Variants in TRIM7 observed in about 807,000 individuals in gnomAD.
TRIM7 encodes tripartite motif containing 7.
TRIM7 carries 32 observed loss-of-function variants against 37.9 expected under a neutral mutation model. The observed-to-expected ratio is 0.84, with a 90% CI of 0.64 to 1.13. The LOEUF (loss-of-function observed/expected upper bound fraction) is 1.13, where lower values mean the gene tolerates loss of function less well. TRIM7 is among the 50% of genes most tolerant of loss of function. TRIM7 has a pLI of 0.00. For missense variants in TRIM7, 732 were observed against 714.0 expected (o/e 1.03, Z -0.29); for synonymous variants, 351 against 321.3 (o/e 1.09, Z -0.99).
chr5:181,195,370 G>A lies in TRIM7; in HGVS notation c.1332C>T (p.Ala444=). ...ALQLNGGQYW[A]VTSPERSPLS... ...GGGGCGACCGCTCGGGGCTGGTCAC[G>A]GCCCAGTACTGGCCGCCGTTGAGCT... The change falls in exon 7 of 7, where the codon GCC becomes GCT. Residue 444 remains alanine (A), a synonymous_variant. Coordinates refer to ENST00000274773, the MANE Select transcript of TRIM7 (RefSeq NM_203293.3). The A allele has an allele frequency of 7.6e-6, 12 of 1,579,258 alleles. No individual in the cohort carries two copies. The highest frequency in any genetic ancestry group is 8.6e-6 in the Non-Finnish European group (10 of 1,162,922).
chr5:181,195,368 A>G lies in TRIM7; in HGVS notation c.1334T>C (p.Val445Ala). 1 of 1,578,386 alleles carries G rather than the reference A, an allele frequency of 6.3e-7. No individual in the cohort carries two copies. Among genetic ancestry groups the G allele is most frequent in the Non-Finnish European group, 8.6e-7 (1 of 1,162,444 alleles). The change falls in exon 7 of 7, where the codon GTG (valine) becomes GCG (alanine). Residue 445 changes from valine (V) to alanine (A), a missense_variant. Coordinates refer to ENST00000274773, the MANE Select transcript of TRIM7 (RefSeq NM_203293.3). ...GAGGGGCGACCGCTCGGGGCTGGTC[A>G]CGGCCCAGTACTGGCCGCCGTTGAG... is the stretch of plus-strand genomic sequence containing the variant. ...LQLNGGQYWAVTSPERSPLSC... is the reference protein window; with the variant it reads ...LQLNGGQYWAATSPERSPLSC...
intron 2 of TRIM7, 66 bp from the exon 3 acceptor site, chr5:181,200,147 G>A (rs1940685172): frequency 2.0e-5 from 32 of 1,613,450 alleles, no homozygotes; most frequent in Non-Finnish European, 2.6e-5. Flanking sequence ...CCAGTGGCCT[G>A]AGTCATCCCA....
At position 181,204,605 on chromosome 5, in the gene TRIM7, G is replaced by A. The variant is rs1473982629; in HGVS notation, c.506C>T (p.Ala169Val). 4.8e-6 allele frequency: 7 copies of A among 1,449,958 alleles called. No individual in the cohort carries two copies. The highest frequency in any genetic ancestry group is 2.8e-5 in the East Asian group (1 of 35,650). The allele number at this position is 1,449,958 out of a possible 1,614,324, so 89.8% of individuals were successfully genotyped here. Residue 169 changes from alanine (A) to valine (V), a missense_variant, in exon 1 of 7, where the codon GCG becomes GTG. Ala to Val is a moderately conservative substitution (Grantham distance 64). Coordinates refer to ENST00000274773, the MANE Select transcript of TRIM7 (RefSeq NM_203293.3). ...REHAVLPLDE[A>V]VQEAKELLES... ...TGCGCTCACCTTGGCCTCCTGCACC[G>A]CCTCGTCCAGCGGCAGCACGGCGTG...
At chr5:181,199,042 T>A (rs1270891174) in intron 4 of TRIM7, 53 bp downstream of exon 4, 1 of 1,610,132 alleles carries the variant, frequency 6.2e-7, no homozygotes, top group African/African-American at 1.3e-5. Flanking sequence ...CAAGGCTCAG[T>A]GAAAAGGGAA....
chr5:181,195,245 AAGGTGTAG>A lies in TRIM7; in HGVS notation c.1449_1456del (p.Tyr484ProfsTer93). ...CACGCGCTCCTGGAAGTTGACGCGGAAGGTGTAGAGGTGGCGCATGTCCTCCACAGCGT... is the reference window on the plus strand; with the variant it reads ...CACGCGCTCCTGGAAGTTGACGCGGAAGGTGGCGCATGTCCTCCACAGCGT... On this transcript the variant is annotated frameshift_variant, in exon 7 of 7. Coordinates refer to ENST00000274773, the MANE Select transcript of TRIM7 (RefSeq NM_203293.3). LOFTEE classifies it high-confidence loss of function. The A allele has an allele frequency of 6.2e-7, 1 of 1,612,884 alleles. No individual in the cohort carries two copies. Among genetic ancestry groups the A allele is most frequent in the Non-Finnish European group, 8.5e-7 (1 of 1,179,516 alleles).
chr5:181,193,930 G>C lies in TRIM7; in HGVS notation c.*1236C>G, dbSNP rs1216044893. On this transcript the variant is annotated 3_prime_UTR_variant, in exon 7 of 7. Transcript: ENST00000274773. ...GAAAATGGGCCAAGCCAACTCCAAA[G>C]ACAGCTCATAGTTTCATTTTCATCT... The C allele has an allele frequency of 7.0e-6, 1 of 142,676 alleles. No homozygotes were observed. The highest frequency in any genetic ancestry group is 1.5e-5 in the Non-Finnish European group (1 of 67,874). The allele number at this position is 142,676 out of a possible 1,614,324, so 8.8% of individuals were successfully genotyped here.
Position 181,198,207 on chromosome 5 carries a change from C to T in TRIM7, c.1000G>A (p.Gly334Arg). 1.2e-6 allele frequency: 2 copies of T among 1,614,144 alleles called. No individual in the cohort carries two copies. The highest frequency in any genetic ancestry group is 1.7e-6 in the Non-Finnish European group (2 of 1,180,018). Residue 334 changes from glycine to arginine, a missense_variant, in exon 6 of 7, where the codon GGA becomes AGA. Transcript: ENST00000274773. Reference sequence around the variant, plus strand: ...CCTTTCTCCTCTTTCTCCAGCTCTCCCCGAAGGTCCTCTGAGGAGGAGAAA... The same window carrying T: ...CCTTTCTCCTCTTTCTCCAGCTCTCTCCGAAGGTCCTCTGAGGAGGAGAAA... ...MLKKFKEDLRGELEKEEKVEL... is the reference protein window; with the variant it reads ...MLKKFKEDLRRELEKEEKVEL...
Position 181,204,987 on chromosome 5 carries a change from C to T in TRIM7, c.124G>A (p.Val42Ile), listed in dbSNP as rs966790095. The T allele has an allele frequency of 6.7e-6, 10 of 1,485,958 alleles. No individual in the cohort carries two copies. Among genetic ancestry groups the T allele is most frequent in the Middle Eastern group, 1.8e-4 (1 of 5,664 alleles). 92.0% of individuals were successfully genotyped at this position (1,485,958 alleles called of 1,614,324 possible). A position where few individuals can be genotyped will look rare whatever the true frequency, so the allele number is the denominator to read the frequency against. ...CLELFREPVS[V>I]ECGHSFCRAC... ...CGGCAGAAGCTGTGGCCGCACTCGA[C>T]GGACACCGGCTCACGAAAGAGCTCT... The change falls in exon 1 of 7, where the codon GTC becomes ATC. Residue 42 changes from valine (V) to isoleucine (I), a missense_variant. Coordinates refer to ENST00000274773, the MANE Select transcript of TRIM7 (RefSeq NM_203293.3).
At position 181,204,580 on chromosome 5, in the gene TRIM7, T is replaced by A; in HGVS notation, c.522+9A>T. On this transcript the variant is annotated intron_variant, in intron 1 of 6. Coordinates refer to ENST00000274773, the MANE Select transcript of TRIM7 (RefSeq NM_203293.3). ...GGGGACCCACGGGGTGGGTGGGGGC[T>A]GCGCTCACCTTGGCCTCCTGCACCG... 7.2e-7 allele frequency: 1 copy of A among 1,391,326 alleles called. No individual in the cohort carries two copies. The highest frequency in any genetic ancestry group is 1.5e-5 in the African/African-American group (1 of 65,992). The allele number at this position is 1,391,326 out of a possible 1,614,324, so 86.2% of individuals were successfully genotyped here. A position where few individuals can be genotyped will look rare whatever the true frequency, so the allele number is the denominator to read the frequency against.
In TRIM7 at chr5:181,204,607, C is replaced by G; in HGVS notation, c.504G>C (p.Glu168Asp). Residue 168 changes from glutamate to aspartate, a missense_variant, in exon 1 of 7, where the codon GAG (glutamate) becomes GAC (aspartate). Glu to Asp is a conservative substitution (Grantham distance 45). Coordinates refer to ENST00000274773, the MANE Select transcript of TRIM7 (RefSeq NM_203293.3). ...CGCTCACCTTGGCCTCCTGCACCGCCTCGTCCAGCGGCAGCACGGCGTGCT... is the reference window on the plus strand; with the variant it reads ...CGCTCACCTTGGCCTCCTGCACCGCGTCGTCCAGCGGCAGCACGGCGTGCT... ...HREHAVLPLD[E>D]AVQEAKELLE... 6.9e-7 allele frequency: 1 copy of G among 1,453,726 alleles called. No individual in the cohort carries two copies. Among genetic ancestry groups the G allele is most frequent in the Non-Finnish European group, 9.0e-7 (1 of 1,114,630 alleles). The allele number at this position is 1,453,726 out of a possible 1,614,324, so 90.1% of individuals were successfully genotyped here. A position where few individuals can be genotyped will look rare whatever the true frequency, so the allele number is the denominator to read the frequency against.
At position 181,204,884 on chromosome 5, in the gene TRIM7, A is replaced by T; in HGVS notation, c.227T>A (p.Leu76Gln). 1 of 1,368,830 alleles carries T rather than the reference A, an allele frequency of 7.3e-7. No homozygotes were observed. Among genetic ancestry groups the T allele is most frequent in the South Asian group, 1.7e-5 (1 of 57,858 alleles). The allele number at this position is 1,368,830 out of a possible 1,614,324, so 84.8% of individuals were successfully genotyped here. Reference sequence around the variant, plus strand: ...GGGCTCGCGGCACTGCGGACAGGGCAGTGGGAAGGGGGGCGCGCGGGTGGC... The same window carrying T: ...GGGCTCGCGGCACTGCGGACAGGGCTGTGGGAAGGGGGGCGCGCGGGTGGC... Reference protein sequence around the residue: ...GAATRAPPFPLPCPQCREPAR... With the variant: ...GAATRAPPFPQPCPQCREPAR... Residue 76 changes from leucine (L) to glutamine (Q), a missense_variant, in exon 1 of 7, where the codon CTG becomes CAG. Transcript: ENST00000274773.
chr5:181,204,433 G>A (rs74666241), intron 1 of TRIM7, 156 bp downstream of exon 1: 43,672 of 1,148,000 alleles, frequency 0.038, 2,029 homozygotes, highest in East Asian at 0.28. Flanking sequence ...CGCTCAGCCC[G>A]GGAACCAGCG....
chr5:181,195,104 C>G lies in TRIM7; in HGVS notation c.*62G>C. On this transcript the variant is annotated 3_prime_UTR_variant, in exon 7 of 7. Transcript: ENST00000274773. ...CAGACCCAAGACGGACCAGGCATCT[C>G]TGGGGAGGCGACATCCCCTCCCACC... is the stretch of plus-strand genomic sequence containing the variant. 6.5e-7 allele frequency: 1 copy of G among 1,539,616 alleles called. No individual in the cohort carries two copies. The highest frequency in any genetic ancestry group is 8.8e-7 in the Non-Finnish European group (1 of 1,139,124).
chr5:181,199,942 A>G lies in TRIM7; in HGVS notation c.758T>C (p.Leu253Pro). ...GGTGATCTCAACCCCGAGCTGGGCC[A>G]GGTTCTCATTCTGCTTCTGTGCCAC... ...REVAQKQNEN[L>P]AQLGVEITQL... Residue 253 changes from leucine (L) to proline (P), a missense_variant, in exon 3 of 7, where the codon CTG becomes CCG. Transcript: ENST00000274773. 4.3e-6 allele frequency: 7 copies of G among 1,614,258 alleles called. No homozygotes were observed. Among genetic ancestry groups the G allele is most frequent in the Non-Finnish European group, 5.1e-6 (6 of 1,180,042 alleles).
intron 6 of TRIM7, chr5:181,197,782 G>GC (rs1757222290): frequency 4.6e-6 from 1 of 218,266 alleles, no homozygotes; most frequent in Admixed American, 5.4e-5. Context: ...CCAGAGCTTT[G>GC]CAAGAGTAAA....
rs757113095 is a variant in TRIM7 at position 181,199,992 on chromosome 5, G to A, written c.708C>T (p.Gly236=). ...FLVEQEGRLL[G]RLEELSREVA... is the part of the protein sequence containing the mutation. ...CCTCCCGGGACAGTTCCTCCAGGCGGCCTAGCAGCCGACCCTCCTGCTCCA... is the reference window on the plus strand; with the variant it reads ...CCTCCCGGGACAGTTCCTCCAGGCGACCTAGCAGCCGACCCTCCTGCTCCA... The change falls in exon 3 of 7, where the codon GGC becomes GGT. Residue 236 remains glycine, a synonymous_variant. Coordinates refer to ENST00000274773, the MANE Select transcript of TRIM7 (RefSeq NM_203293.3). The A allele has an allele frequency of 6.2e-7, 1 of 1,614,142 alleles. No individual in the cohort carries two copies. The highest frequency in any genetic ancestry group is 1.7e-5 in the Admixed American group (1 of 60,008).
chr5:181,198,925 A>T, intron 4 of TRIM7, 120 bp from the exon 5 acceptor site: 1 of 1,169,534 alleles, frequency 8.6e-7, no homozygotes, highest in South Asian at 1.3e-5. Context: ...GCCAGACCTC[A>T]TGCAGAAAAA....
rs1756964302 is a variant in TRIM7 at position 181,194,236 on chromosome 5, C to G, written c.*930G>C. On this transcript the variant is annotated 3_prime_UTR_variant, in exon 7 of 7. Coordinates refer to ENST00000274773, the MANE Select transcript of TRIM7 (RefSeq NM_203293.3). ...AACTTGTGTTTTGTGTTTCAAAGTT[C>G]CAGAAGCAAAAACAAAAAAAGTTCG... is the stretch of plus-strand genomic sequence containing the variant. 6.6e-6 allele frequency: 1 copy of G among 152,174 alleles called. No homozygotes were observed. The highest frequency in any genetic ancestry group is 1.5e-5 in the Non-Finnish European group (1 of 68,038). The allele number at this position is 152,174 out of a possible 1,614,324, so 9.4% of individuals were successfully genotyped here. A position where few individuals can be genotyped will look rare whatever the true frequency, so the allele number is the denominator to read the frequency against.
rs1756956295 is a variant in TRIM7, at chr5:181,194,108, C to T, written c.*1058G>A. The T allele has an allele frequency of 6.6e-6, 1 of 152,310 alleles. No individual in the cohort carries two copies. Among genetic ancestry groups the T allele is most frequent in the African/African-American group, 2.4e-5 (1 of 41,470 alleles). 9.4% of individuals were successfully genotyped at this position (152,310 alleles called of 1,614,324 possible). A position where few individuals can be genotyped will look rare whatever the true frequency, so the allele number is the denominator to read the frequency against. On this transcript the variant is annotated 3_prime_UTR_variant, in exon 7 of 7. Coordinates refer to ENST00000274773, the MANE Select transcript of TRIM7 (RefSeq NM_203293.3). The stretch of plus-strand genomic sequence containing the variant: ...AGGGCATGGGCTGAGAAGGCCTTGG[C>T]ACCAGGGTGCTCTGCTGTTGGCATT...
Sources: gnomAD v4.1 joint callset for allele counts on GRCh38, gnomAD v4.1.1 for gene constraint, MANE v1.5 for transcripts, NCBI Gene and HGNC (gene_info 2026-07-23, HGNC 2026-07-21) for gene names.